POSTN: variants seen among roughly 807,000 people sequenced by gnomAD.
POSTN encodes osteoblast specific factor 2 (fasciclin I-like).
POSTN carries 71 observed loss-of-function variants against 104.5 expected under a neutral mutation model. The ratio of observed to expected loss-of-function variants is 0.68; its 90% confidence interval spans 0.56 to 0.83. POSTN has a LOEUF of 0.83. Among genes scored for constraint, POSTN ranks in the 40% least tolerant of loss-of-function variants. The pLI is 0.00. For missense variants in POSTN, 949 were observed against 1,006.8 expected, an observed-to-expected ratio of 0.94 and a Z score of 0.78; for synonymous variants, 355 against 340.7, an observed-to-expected ratio of 1.04 and a Z score of -0.46.
chr13:37,571,489 A>G (rs754649849), intron 17 of POSTN, 31 bp from the exon 18 acceptor site: 12 of 1,470,730 alleles, frequency 8.2e-6, no homozygotes, highest in Admixed American at 1.7e-5. Flanking sequence ...ACAAATTATC[A>G]TGTTAAAACA....
chr13:37,591,825 C>T (rs150121359), intron 3 of POSTN, among the ~76,000 whole-genome samples: 1 of 152,166 alleles, frequency 6.6e-6, no homozygotes, highest in East Asian at 1.9e-4. Flanking sequence ...GTTCAAAGAA[C>T]AGGATTTTGT....
intron 21 of POSTN, 69 bp from the exon 22 acceptor site, chr13:37,564,629 T>A (rs1950036327): frequency 1.1e-6 from 1 of 879,114 alleles, no homozygotes; most frequent in Non-Finnish European, 1.9e-6. Flanking sequence ...AGACCATGGT[T>A]AAACAGAACA....
intron 17 of POSTN, among the ~76,000 whole-genome samples, chr13:37,572,336 C>A (rs776651179): frequency 1.0e-4 from 15 of 149,952 alleles, no homozygotes; most frequent in Non-Finnish European, 1.8e-4. Context: ...CAAAACGAAA[C>A]CAGCCTAGAA....
At position 37,582,438 on chromosome 13, in the gene POSTN, A is replaced by C. The variant is rs767817066; in HGVS notation, c.1320T>G (p.Leu440=). 3 of 1,613,874 alleles carry C rather than the reference A, an allele frequency of 1.9e-6. No individual in the cohort carries two copies. The South Asian group carries it at 3.3e-5, about 18-fold the overall frequency. ...QNHILKVKVG[L]NELYNGQILE... is the part of the protein sequence containing the mutation. ...GTATTTGCCCGTTGTAAAGCTCATT[A>C]AGGCCAACTTTTACTTTCAATATGT... Residue 440 remains leucine (L), a synonymous_variant, in exon 10 of 23, where the codon CTT becomes CTG. Transcript: ENST00000379747.
chr13:37,565,760 ACAAC>A (rs1950080554), intron 21 of POSTN, among the ~76,000 whole-genome samples: 1 of 152,140 alleles, frequency 6.6e-6, no homozygotes, highest in South Asian at 2.1e-4. Context: ...TCTGTGTAAA[ACAAC>A]CAAGTCTGAG....
intron 21 of POSTN, among the ~76,000 whole-genome samples, chr13:37,566,958 C>T (rs568444512): frequency 2.0e-5 from 3 of 151,940 alleles, no homozygotes; most frequent in African/African-American, 4.8e-5. Context: ...ACTACATGGC[C>T]GGGCGCGGTG....
chr13:37,584,771 A>G lies in POSTN; in HGVS notation c.1053T>C (p.Ile351=), dbSNP rs754936667. 6 of 1,613,938 alleles carry G rather than the reference A, an allele frequency of 3.7e-6. No individual in the cohort carries two copies. The East Asian group carries it at 1.1e-4, about 30-fold the overall frequency. ...NGIKMVNKKD[I]VTNNGVIHLI... ...AATGGATCACACCATTATTTGTCAC[A>G]ATATCCTTTTTGTTCACCATTTTGA... Residue 351 remains isoleucine, a synonymous_variant, in exon 8 of 23, where the codon ATT becomes ATC. Coordinates refer to ENST00000379747, the MANE Select transcript of POSTN (RefSeq NM_006475.3).
rs776832789 is a variant in POSTN at position 37,590,492 on chromosome 13, G to A, written c.321C>T (p.Ile107=). Residue 107 remains isoleucine (I), a synonymous_variant, in exon 4 of 23, where the codon ATC becomes ATT. Transcript: ENST00000379747. ...PIDHVYGTLG[I]VGATTTQRYS... is the part of the protein sequence containing the mutation. ...AGCGCTGCGTTGTGGTGGCTCCCACGATGCCCAGAGTGCCATAAACATGGT... is the reference window on the plus strand; with the variant it reads ...AGCGCTGCGTTGTGGTGGCTCCCACAATGCCCAGAGTGCCATAAACATGGT... 1.3e-5 allele frequency: 21 copies of A among 1,612,518 alleles called. No individual in the cohort carries two copies. The African/African-American group carries it at 1.3e-4, about 10-fold the overall frequency.
intron 21 of POSTN, chr13:37,569,089 A>T (rs939597098): frequency 5.3e-6 from 2 of 375,068 alleles, no homozygotes; most frequent in Non-Finnish European, 9.5e-6. Flanking sequence ...ACTTTATACC[A>T]TAGAACTTTT....
chr13:37,564,418 C>T, intron 22 of POSTN, 101 bp downstream of exon 22: 3 of 685,608 alleles, frequency 4.4e-6, no homozygotes, highest in Non-Finnish European at 7.4e-6. Flanking sequence ...TGATCGATAA[C>T]AAGTTTCAAT....
At chr13:37,579,750 T>A in intron 12 of POSTN, 111 bp downstream of exon 12, 1 of 1,222,422 alleles carries the variant, frequency 8.2e-7, no homozygotes, top group Non-Finnish European at 1.1e-6. Flanking sequence ...AAGCTAACCA[T>A]GAATACCAGA....
At chr13:37,578,951 A>C (rs768212788) in intron 14 of POSTN, 40 bp from the exon 15 acceptor site, 1 of 1,595,368 alleles carries the variant, frequency 6.3e-7, no homozygotes. Flanking sequence ...GTAAGAAAGC[A>C]TAAAATAAAA....
chr13:37,565,880 G>A (rs1208788351), intron 21 of POSTN, among the ~76,000 whole-genome samples: 2 of 152,144 alleles, frequency 1.3e-5, no homozygotes, highest in Non-Finnish European at 2.9e-5. Context: ...TTGTCAAGAA[G>A]AGACAGATCC....
intron 22 of POSTN, among the ~76,000 whole-genome samples, chr13:37,564,272 T>C (rs933695674): frequency 5.5e-5 from 8 of 145,932 alleles, no homozygotes; most frequent in African/African-American, 1.7e-4. Flanking sequence ...GGGTTCAATA[T>C]GCCTAGCAGT....
chr13:37,584,116 C>A lies in POSTN; in HGVS notation c.1109-13G>T, dbSNP rs762385551. 2.5e-6 allele frequency: 4 copies of A among 1,613,128 alleles called. 1 individual carries two copies. In the East Asian group the frequency reaches 8.9e-5, roughly 36 times the overall value. On this transcript the variant is annotated splice_polypyrimidine_tract_variant and intron_variant, in intron 8 of 22. Coordinates refer to ENST00000379747, the MANE Select transcript of POSTN (RefSeq NM_006475.3). Reference sequence around the variant, plus strand: ...ATAACTTGTTTGGCTGAAAAATAAACCATCACCATCACAACAATGTCATCA... The same window carrying A: ...ATAACTTGTTTGGCTGAAAAATAAAACATCACCATCACAACAATGTCATCA...
intron 21 of POSTN, among the ~76,000 whole-genome samples, chr13:37,566,600 A>G (rs945789746): frequency 2.0e-5 from 3 of 152,200 alleles, no homozygotes; most frequent in African/African-American, 7.2e-5. Flanking sequence ...TGGGGCTCAG[A>G]CTGAATGCAG....
chr13:37,577,966 G>A (rs796664141), intron 15 of POSTN, among the ~76,000 whole-genome samples, 168 bp from the exon 16 acceptor site: 12 of 151,934 alleles, frequency 7.9e-5, no homozygotes, highest in African/African-American at 2.9e-4. Flanking sequence ...TATCAGGTCA[G>A]AGGGCATAAA....
chr13:37,586,982 CTG>C, intron 5 of POSTN, 54 bp from the exon 6 acceptor site: 1 of 1,538,260 alleles, frequency 6.5e-7, no homozygotes, highest in Non-Finnish European at 8.9e-7. Flanking sequence ...CCATTGACCA[CTG>C]AGACTGCAAG....
At chr13:37,572,457 G>C (rs1055419973) in intron 17 of POSTN, among the ~76,000 whole-genome samples, 6 of 151,576 alleles carry the variant, frequency 4.0e-5, no homozygotes, top group Non-Finnish European at 8.9e-5. Context: ...CATAAAGCCA[G>C]GTTTTTAAGG....
Sources: gnomAD v4.1 joint callset for allele counts (sites outside exome capture counted in the v4.1 genomes callset) on GRCh38, gnomAD v4.1.1 for gene constraint, MANE v1.5 for transcripts, NCBI Gene and HGNC (gene_info 2026-07-23, HGNC 2026-07-21) for gene names.